The following FAXC variants were observed in gnomAD, a reference collection of about 807,000 sequenced individuals.
FAXC encodes the protein failed axon connections homolog.
A neutral mutation model predicts 41.9 loss-of-function variants in FAXC; 10 were observed. The observed-to-expected ratio is 0.24, with a 90% CI of 0.15 to 0.41. The LOEUF (loss-of-function observed/expected upper bound fraction) is 0.41. Ranked by LOEUF, FAXC falls within the 10% of genes least tolerant of loss-of-function variation. The pLI is 1.00. For synonymous variants in FAXC, 183 were observed against 183.8 expected (o/e 1.00, Z 0.03); for missense variants, 399 against 510.9 (o/e 0.78, Z 2.11).
intron 3 of FAXC, among the ~76,000 whole-genome samples, chr6:99,330,031 T>C (rs1360334539): frequency 6.6e-6 from 1 of 151,712 alleles, no homozygotes; most frequent in Non-Finnish European, 1.5e-5. Flanking sequence ...CCACCACACC[T>C]GACTGTTTTG....
At chr6:99,342,178 A>G (rs999462220) in intron 2 of FAXC, among the ~76,000 whole-genome samples, 9 of 152,168 alleles carry the variant, frequency 5.9e-5, no homozygotes, top group Non-Finnish European at 1.3e-4. Flanking sequence ...CCACATACAC[A>G]AATATCTACC....
chr6:99,309,900 T>G, intron 4 of FAXC: 1 of 984,876 alleles, frequency 1.0e-6, no homozygotes, highest in Non-Finnish European at 1.2e-6. Flanking sequence ...ATTATTCTTC[T>G]GGCATGTGAC....
At chr6:99,341,312 A>C (rs2128464976) in intron 2 of FAXC, among the ~76,000 whole-genome samples, 1 of 152,280 alleles carries the variant, frequency 6.6e-6, no homozygotes, top group East Asian at 1.9e-4. Context: ...CAATAAGTAT[A>C]AATGGATTAA....
At chr6:99,342,591 G>A (rs1250841515) in intron 2 of FAXC, among the ~76,000 whole-genome samples, 1 of 152,162 alleles carries the variant, frequency 6.6e-6, no homozygotes, top group African/African-American at 2.4e-5. Flanking sequence ...TGATCCGCCT[G>A]CCTTGGCCTC....
intron 4 of FAXC, among the ~76,000 whole-genome samples, chr6:99,295,646 T>A (rs1354346597): frequency 6.6e-6 from 1 of 152,196 alleles, no homozygotes; most frequent in Non-Finnish European, 1.5e-5. Context: ...GCCAACTCCA[T>A]ATAATAAATC....
intron 4 of FAXC, among the ~76,000 whole-genome samples, chr6:99,302,936 G>A (rs1276303367): frequency 6.6e-6 from 1 of 152,024 alleles, no homozygotes; most frequent in Non-Finnish European, 1.5e-5. Flanking sequence ...AATCTAGGTG[G>A]TGATTGTAAA....
At chr6:99,288,294 A>G (rs1252865025) in intron 5 of FAXC, among the ~76,000 whole-genome samples, 3 of 152,226 alleles carry the variant, frequency 2.0e-5, no homozygotes, top group African/African-American at 7.2e-5. Flanking sequence ...ATATGTGTGT[A>G]TGTAGGGATG....
intron 3 of FAXC, among the ~76,000 whole-genome samples, chr6:99,329,410 A>C (rs948995425): frequency 2.0e-5 from 3 of 152,208 alleles, no homozygotes; most frequent in Non-Finnish European, 4.4e-5. Flanking sequence ...GATAGAAATG[A>C]ATATTTATAA....
chr6:99,277,053 A>G lies in FAXC; in HGVS notation c.*4111T>C, dbSNP rs1770653573. On this transcript the variant is annotated 3_prime_UTR_variant, in exon 6 of 6. Coordinates refer to ENST00000389677, the MANE Select transcript of FAXC (RefSeq NM_032511.4). ...TGGGCATGACTTGGGCCAGTGGAGC[A>G]GAGAATAGAACATTTCAGGAGAAGG... is the stretch of plus-strand genomic sequence containing the variant. The G allele has an allele frequency of 6.6e-6, 1 of 152,318 alleles. No individual in the cohort carries two copies. Among genetic ancestry groups the G allele is most frequent in the African/African-American group, 2.4e-5 (1 of 41,456 alleles). The allele number at this position is 152,318 out of a possible 1,614,324, so 9.4% of individuals were successfully genotyped here.
At chr6:99,313,299 A>C (rs1397730388) in intron 4 of FAXC, among the ~76,000 whole-genome samples, 1 of 152,222 alleles carries the variant, frequency 6.6e-6, no homozygotes. Context: ...TCTCAACAAA[A>C]ATAAGTAAAC....
At chr6:99,283,424 C>G (rs1033968807) in intron 5 of FAXC, among the ~76,000 whole-genome samples, 2 of 152,108 alleles carry the variant, frequency 1.3e-5, no homozygotes, top group Admixed American at 1.3e-4. Flanking sequence ...ACTTACATCC[C>G]CTGCAAAACA....
At chr6:99,293,421 C>T (rs1048807837) in intron 4 of FAXC, among the ~76,000 whole-genome samples, 1 of 152,212 alleles carries the variant, frequency 6.6e-6, no homozygotes, top group African/African-American at 2.4e-5. Context: ...AGGTCCAGCT[C>T]CAGCCTGCTT....
chr6:99,345,360 T>C (rs1773555217), intron 1 of FAXC, among the ~76,000 whole-genome samples: 1 of 152,194 alleles, frequency 6.6e-6, no homozygotes, highest in Non-Finnish European at 1.5e-5. Flanking sequence ...ACTATTACCA[T>C]TTTACAGATG....
rs1319851499 is a variant in FAXC, at chr6:99,281,339, C to T, written c.1055G>A (p.Ser352Asn). 1.2e-6 allele frequency: 2 copies of T among 1,614,030 alleles called. No individual in the cohort carries two copies. The highest frequency in any genetic ancestry group is 2.7e-5 in the African/African-American group (2 of 74,906). Residue 352 changes from serine to asparagine, a missense_variant, in exon 6 of 6, where the codon AGC becomes AAC. Physicochemically the swap from Ser to Asn is conservative, Grantham distance 46. Transcript: ENST00000389677. ...ATCCAGCAGCGGGGTGTGGGTTTTG[C>T]TGCCTTCGCTGCTCTCCTCAGACTC... is the stretch of plus-strand genomic sequence containing the variant. The part of the protein sequence containing the change: ...IYESEESSEG[S>N]KTHTPLLDFS...
chr6:99,293,700 G>C (rs9402624), intron 4 of FAXC, among the ~76,000 whole-genome samples: 310 of 134,596 alleles, frequency 2.3e-3, no homozygotes, highest in South Asian at 8.1e-3. Context: ...GTGTGTGTGT[G>C]TGTGTGTGTG....
At chr6:99,329,274 T>C (rs1376060089) in intron 3 of FAXC, among the ~76,000 whole-genome samples, 1 of 152,180 alleles carries the variant, frequency 6.6e-6, no homozygotes, top group African/African-American at 2.4e-5. Context: ...TAAAAGACTA[T>C]CTTAGAACAG....
At chr6:99,329,224 A>G (rs1353547762) in intron 3 of FAXC, among the ~76,000 whole-genome samples, 1 of 152,242 alleles carries the variant, frequency 6.6e-6, no homozygotes, top group Non-Finnish European at 1.5e-5. Flanking sequence ...CAACGAATGT[A>G]TCTAATCTCT....
Position 99,276,461 on chromosome 6 carries a change from A to G in FAXC, c.*4703T>C, listed in dbSNP as rs976559373. 3 of 152,222 alleles carry G rather than the reference A, an allele frequency of 2.0e-5. No homozygotes were observed. Among genetic ancestry groups the G allele is most frequent in the Non-Finnish European group, 4.4e-5 (3 of 68,036 alleles). 9.4% of individuals were successfully genotyped at this position (152,222 alleles called of 1,614,324 possible). A position where few individuals can be genotyped will look rare whatever the true frequency, so the allele number is the denominator to read the frequency against. On this transcript the variant is annotated 3_prime_UTR_variant, in exon 6 of 6. Coordinates refer to ENST00000389677, the MANE Select transcript of FAXC (RefSeq NM_032511.4). ...AATTTTGGGGGTGGTTAAAAGATAA[A>G]TGACAAGGACAACAACAAAATCCTA... is the stretch of plus-strand genomic sequence containing the variant.
intron 4 of FAXC, among the ~76,000 whole-genome samples, chr6:99,292,945 C>G (rs574635821): frequency 6.6e-6 from 1 of 152,156 alleles, no homozygotes; most frequent in East Asian, 1.9e-4. Flanking sequence ...TAGCTGGGAT[C>G]ACAGGCAGCC....
Sources: gnomAD v4.1 joint callset for allele counts (sites outside exome capture counted in the v4.1 genomes callset) on GRCh38, gnomAD v4.1.1 for gene constraint, MANE v1.5 for transcripts, NCBI Gene and HGNC (gene_info 2026-07-23, HGNC 2026-07-21) for gene names.